ATP13A1: variants seen among roughly 807,000 people sequenced by gnomAD.
ATP13A1 encodes the protein ATPase 13A1.
In ATP13A1, 55 loss-of-function variants were observed where a neutral mutation model predicts 134.8. The ratio of observed to expected loss-of-function variants is 0.41; its 90% CI spans 0.33 to 0.51. The LOEUF is 0.51. Ranked by LOEUF, ATP13A1 falls within the 20% of genes least tolerant of loss-of-function variation. The probability of loss-of-function intolerance (pLI) is 0.29; values close to 1 mark genes in which losing one functional copy is unlikely to be tolerated. For missense variants in ATP13A1, 1,389 were observed against 1,652.8 expected (o/e 0.84, Z 2.77); for synonymous variants, 775 against 725.1 (o/e 1.07, Z -1.10).
chr19:19,656,280 CA>C lies in ATP13A1; in HGVS notation c.1084-98del. 2 of 1,495,320 alleles carry C rather than the reference CA, an allele frequency of 1.3e-6. No homozygotes were observed. The highest frequency in any genetic ancestry group is 1.4e-5 in the African/African-American group (1 of 71,748). 92.6% of individuals were successfully genotyped at this position (1,495,320 alleles called of 1,614,324 possible). Reference sequence around the variant, plus strand: ...GCTGGACCTTGAGGCTGGAATGAGCCAGGGGGATCCCCACCCGACCAATACA... The same window carrying C: ...GCTGGACCTTGAGGCTGGAATGAGCCGGGGGATCCCCACCCGACCAATACA... On this transcript the variant is annotated intron_variant, in intron 7 of 25. Transcript: ENST00000357324. The surrounding 1 kb of genome is among the most constrained non-coding windows in gnomAD (Gnocchi z 4.6).
chr19:19,649,352 C>G (rs1023042025), intron 19 of ATP13A1, among the ~76,000 whole-genome samples: 1 of 152,208 alleles, frequency 6.6e-6, no homozygotes, highest in Non-Finnish European at 1.5e-5. Context: ...CAACTTGTTG[C>G]CTCTCTCCTG....
At chr19:19,649,425 C>T (rs755128873) in intron 19 of ATP13A1, 142 bp downstream of exon 19, 637 of 886,974 alleles carry the variant, frequency 7.2e-4, no homozygotes, top group Non-Finnish European at 8.1e-4. Flanking sequence ...CCTCAAAGCC[C>T]CTGACCTTGC....
chr19:19,645,709 G>C lies in ATP13A1; in HGVS notation c.3442C>G (p.Leu1148Val), dbSNP rs1159913305. 11 of 1,590,090 alleles carry C rather than the reference G, an allele frequency of 6.9e-6. No homozygotes were observed. The highest frequency in any genetic ancestry group is 1.8e-5 in the Admixed American group (1 of 55,086). The change falls in exon 25 of 26, where the codon CTG becomes GTG. Residue 1148 changes from leucine (L) to valine (V), a missense_variant. Leu to Val is a conservative substitution (Grantham distance 32, BLOSUM62 1). Transcript: ENST00000357324. The surrounding 1 kb of genome is among the most constrained non-coding windows in gnomAD (Gnocchi z 4.1). Reference sequence around the variant, plus strand: ...AAGTCGGGCGAGGAGCCGAGGAGCAGGCCAATGATGGCCAGGAGTGAAACT... The same window carrying C: ...AAGTCGGGCGAGGAGCCGAGGAGCACGCCAATGATGGCCAGGAGTGAAACT... ...LAVSLLAIIG[L>V]LLGSSPDFNS...
rs767455251 is a variant in ATP13A1 at position 19,647,322 on chromosome 19, C to G, written c.2912G>C (p.Cys971Ser). 6.2e-7 allele frequency: 1 copy of G among 1,610,496 alleles called. No individual in the cohort carries two copies. Among genetic ancestry groups the G allele is most frequent in the Non-Finnish European group, 8.5e-7 (1 of 1,179,190 alleles). ...TSKLSSIQCICHVIKQGRCTL... is the reference protein window; with the variant it reads ...TSKLSSIQCISHVIKQGRCTL... Reference sequence around the variant, plus strand: ...GCAGCGGCCCTGCTTGATCACGTGGCAGACTGCAGGGTGGTGGGGAGGCAG... The same window carrying G: ...GCAGCGGCCCTGCTTGATCACGTGGGAGACTGCAGGGTGGTGGGGAGGCAG... Residue 971 changes from cysteine (C) to serine (S), a missense_variant, in exon 22 of 26, where the codon TGC becomes TCC. Physicochemically the swap from Cys to Ser is moderately radical, Grantham distance 112. Transcript: ENST00000357324. This position sits in a 1 kb window ranked among gnomAD's most constrained non-coding sequence, Gnocchi z 4.8.
intron 13 of ATP13A1, 39 bp downstream of exon 13, chr19:19,654,504 T>C: frequency 1.9e-6 from 3 of 1,562,692 alleles, no homozygotes; most frequent in Non-Finnish European, 2.6e-6. Flanking sequence ...TGAGAGCCAG[T>C]GGCTCCCCCT....
chr19:19,657,491 C>A (rs1351288869), intron 3 of ATP13A1, 83 bp from the exon 4 acceptor site: 3 of 1,345,758 alleles, frequency 2.2e-6, no homozygotes, highest in Non-Finnish European at 2.0e-6. Context: ...CCAACCTGAG[C>A]ATGGCAGGCC....
chr19:19,646,527 A>G (rs1181942884), intron 22 of ATP13A1, 180 bp from the exon 23 acceptor site: 2 of 746,988 alleles, frequency 2.7e-6, no homozygotes, highest in Non-Finnish European at 2.1e-6. Flanking sequence ...CTCACCCCTG[A>G]GCCCAGGGCT....
intron 1 of ATP13A1, among the ~76,000 whole-genome samples, chr19:19,661,625 C>T (rs570743993): frequency 6.6e-6 from 1 of 152,278 alleles, no homozygotes; most frequent in South Asian, 2.1e-4. Context: ...GGGGGATTTG[C>T]CTGTTTTGTT....
At chr19:19,652,883 A>G in intron 15 of ATP13A1, 163 bp from the exon 16 acceptor site, 3 of 1,020,708 alleles carry the variant, frequency 2.9e-6, no homozygotes, top group Non-Finnish European at 4.2e-6. Context: ...CCAGGAGGGT[A>G]CCAGGCACGC....
At position 19,656,555 on chromosome 19, in the gene ATP13A1, C is replaced by T. The variant is rs2062059771; in HGVS notation, c.1083+105G>A. 8.1e-7 allele frequency: 1 copy of T among 1,237,578 alleles called. No homozygotes were observed. The allele number at this position is 1,237,578 out of a possible 1,614,324, so 76.7% of individuals were successfully genotyped here. On this transcript the variant is annotated intron_variant, in intron 7 of 25. Transcript: ENST00000357324. This position sits in a 1 kb window ranked among gnomAD's most constrained non-coding sequence, Gnocchi z 4.6. ...CAGAGCTCATCTGTGCCCACACTGC[C>T]TCCTCCGCCTGTGCCTGAGGGGGAT...
chr19:19,651,456 T>A, intron 17 of ATP13A1: 1 of 426,946 alleles, frequency 2.3e-6, no homozygotes, highest in Non-Finnish European at 4.2e-6. Context: ...AGTCAGACTA[T>A]CGCCTCATTA....
At position 19,649,866 on chromosome 19, in the gene ATP13A1, C is replaced by A. The variant is rs1485054337; in HGVS notation, c.2410G>T (p.Ala804Ser). Residue 804 changes from alanine to serine, a missense_variant, in exon 18 of 26, where the codon GCC becomes TCC. Ala to Ser is a moderately conservative substitution (Grantham distance 99). Transcript: ENST00000357324. ...GTGAGGCACAGTGCGTACTCCAGGGCCAGTGCCTTTGGGGAGCCCCGGGCC... is the reference window on the plus strand; with the variant it reads ...GTGAGGCACAGTGCGTACTCCAGGGACAGTGCCTTTGGGGAGCCCCGGGCC... Reference protein sequence around the residue: ...PLARGSPKALALEYALCLTGD... With the variant: ...PLARGSPKALSLEYALCLTGD... 1.2e-5 allele frequency: 20 copies of A among 1,603,294 alleles called. No individual in the cohort carries two copies. Among genetic ancestry groups the A allele is most frequent in the Non-Finnish European group, 1.7e-5 (20 of 1,179,604 alleles).
chr19:19,650,094 C>A (rs1433408053), intron 17 of ATP13A1, 154 bp from the exon 18 acceptor site: 2 of 671,850 alleles, frequency 3.0e-6, no homozygotes, highest in Non-Finnish European at 5.0e-6. Flanking sequence ...TCTCTGGGGA[C>A]TCCACAAAGA....
chr19:19,651,652 T>TC (rs1353211827), intron 17 of ATP13A1, 37 bp downstream of exon 17: 1 of 1,543,334 alleles, frequency 6.5e-7, no homozygotes, highest in South Asian at 1.1e-5. Flanking sequence ...GGACTCAGGG[T>TC]CCCCCTTCCC....
chr19:19,658,175 G>T lies in ATP13A1; in HGVS notation c.678-767C>A, dbSNP rs561098677. Among the ~76,000 whole-genome samples, 7 of 140,772 alleles carry T rather than the reference G, an allele frequency of 5.0e-5. 1 individual carries two copies. In the South Asian group the frequency reaches 1.6e-3, roughly 32 times the overall value. 92.4% of individuals were successfully genotyped at this position (140,772 alleles called of 152,430 possible). ...AAAAAAAAAAAAAAAAAAAAAAAAG[G>T]CTCGAGAATGCAAGGACTTGGGCCT... On this transcript the variant is annotated intron_variant, in intron 3 of 25. Coordinates refer to ENST00000357324, the MANE Select transcript of ATP13A1 (RefSeq NM_020410.3).
chr19:19,656,251 G>A lies in ATP13A1; in HGVS notation c.1084-68C>T. Reference sequence around the variant, plus strand: ...GCTTCCTTCTCCATCTGAGTTCCTGGACAGCTGGACCTTGAGGCTGGAATG... The same window carrying A: ...GCTTCCTTCTCCATCTGAGTTCCTGAACAGCTGGACCTTGAGGCTGGAATG... On this transcript the variant is annotated intron_variant, in intron 7 of 25. Coordinates refer to ENST00000357324, the MANE Select transcript of ATP13A1 (RefSeq NM_020410.3). This position sits in a 1 kb window ranked among gnomAD's most constrained non-coding sequence, Gnocchi z 4.6. 1 of 1,537,392 alleles carries A rather than the reference G, an allele frequency of 6.5e-7. No homozygotes were observed. The highest frequency in any genetic ancestry group is 1.3e-5 in the South Asian group (1 of 79,258).
In ATP13A1 at chr19:19,646,396, C is replaced by T. The variant is rs1249107355; in HGVS notation, c.3106-49G>A. ...GAGTCAGGATCTGGCTCACTTGGGG[C>T]CACCCTGCCCACACAGCAGGCAGTA... On this transcript the variant is annotated intron_variant, in intron 22 of 25. Transcript: ENST00000357324. The T allele has an allele frequency of 7.5e-6, 12 of 1,606,554 alleles. No homozygotes were observed. In the East Asian group the frequency reaches 2.5e-4, roughly 33 times the overall value.
At chr19:19,648,600 G>A (rs1056079819) in intron 19 of ATP13A1, among the ~76,000 whole-genome samples, 6 of 151,922 alleles carry the variant, frequency 3.9e-5, no homozygotes, top group African/African-American at 1.4e-4. Context: ...TCTGAAGTCA[G>A]GAGTTGGAGA....
In ATP13A1 at chr19:19,651,807, A is replaced by C. The variant is rs749254378; in HGVS notation, c.2227-10T>G. 6.2e-7 allele frequency: 1 copy of C among 1,604,362 alleles called. No individual in the cohort carries two copies. The highest frequency in any genetic ancestry group is 1.3e-5 in the African/African-American group (1 of 74,550). On this transcript the variant is annotated splice_polypyrimidine_tract_variant and intron_variant, in intron 16 of 25. Transcript: ENST00000357324. ...CCGTGATCATGACCACCTTGGGTAA[A>C]GAGGGGCAGAGGCTCAGCATGGCAC...
Sources: allele counts gnomAD v4.1 joint callset (sites outside exome capture counted in the v4.1 genomes callset), GRCh38; gene constraint gnomAD v4.1.1; non-coding constraint Gnocchi (gnomAD v3.1); transcripts MANE v1.5; gene names NCBI Gene and HGNC (gene_info 2026-07-23, HGNC 2026-07-21).